The following FMNL1 variants were observed in gnomAD, a reference collection of about 807,000 sequenced individuals.
FMNL1 encodes the protein formin like 1.
Under a neutral mutation model 121.3 loss-of-function variants are expected in FMNL1, and 43 were observed. The ratio of observed to expected loss-of-function variants is 0.35; its 90% CI spans 0.28 to 0.46. The LOEUF is 0.46. Ranked by LOEUF, FMNL1 falls within the 20% of genes least tolerant of loss-of-function variation. The pLI, the probability that FMNL1 is intolerant of heterozygous loss-of-function variation, is 1.00. For missense variants in FMNL1, 1,191 were observed against 1,482.4 expected, an observed-to-expected ratio of 0.80 and a Z score of 3.23; for synonymous variants, 613 against 613.5, an observed-to-expected ratio of 1.00 and a Z score of 0.01.
rs1338240805 is a variant in FMNL1 at position 45,245,895 on chromosome 17, G to A, written c.3012G>A (p.Val1004=). The A allele has an allele frequency of 6.3e-7, 1 of 1,594,244 alleles. No homozygotes were observed. The highest frequency in any genetic ancestry group is 1.1e-5 in the South Asian group (1 of 89,214). ...IKAYKKAEQE[V]EQWKKEAAAQ... ...GCCCACAGAAAGCTGAGCAGGAGGT[G>A]GAACAGTGGAAAAAAGAAGCCGCTG... The change falls in exon 24 of 27, where the codon GTG becomes GTA. Residue 1004 remains valine (V), a synonymous_variant. Coordinates refer to ENST00000331495, the MANE Select transcript of FMNL1 (RefSeq NM_005892.4).
chr17:45,225,451 C>CG (rs34247001), intron 1 of FMNL1, among the ~76,000 whole-genome samples: 1 of 152,162 alleles, frequency 6.6e-6, no homozygotes, highest in Non-Finnish European at 1.5e-5. Flanking sequence ...AGAGGATCTC[C>CG]GGGGGGATGT....
chr17:45,242,530 C>T, intron 16 of FMNL1, 65 bp downstream of exon 16: 2 of 1,564,896 alleles, frequency 1.3e-6, no homozygotes, highest in South Asian at 1.2e-5. Flanking sequence ...CTGGATCAGG[C>T]TGGGCCCTGG....
intron 11 of FMNL1, among the ~76,000 whole-genome samples, chr17:45,239,804 C>CTTTTTTTTT (rs113701881): frequency 0.28 from 40,052 of 145,142 alleles, 6,828 homozygotes; most frequent in African/African-American, 0.48. Flanking sequence ...TCTATGATTG[C>CTTTTTTTTT]TTTTTTTTTG....
chr17:45,243,893 G>A lies in FMNL1; in HGVS notation c.2316G>A (p.Gln772=), dbSNP rs1401013013. The A allele has an allele frequency of 1.2e-6, 2 of 1,613,942 alleles. No homozygotes were observed. Among genetic ancestry groups the A allele is most frequent in the Admixed American group, 3.3e-5 (2 of 60,036 alleles). ...TCATCACCCGCTTTGAGCGGGAGCA[G>A]CGGCCAATGGAGGAGCTGTCAGAGG... is the stretch of plus-strand genomic sequence containing the variant. ...RSLITRFERE[Q]RPMEELSEED... is the part of the protein sequence containing the mutation. Residue 772 remains glutamine, a synonymous_variant, in exon 18 of 27, where the codon CAG becomes CAA. Transcript: ENST00000331495.
In FMNL1 at chr17:45,244,770, G is replaced by C. The variant is rs1240866994; in HGVS notation, c.2518-49G>C. 7.0e-6 allele frequency: 11 copies of C among 1,566,996 alleles called. No individual in the cohort carries two copies. In the African/African-American group the frequency reaches 1.5e-4, roughly 21 times the overall value. On this transcript the variant is annotated intron_variant, in intron 19 of 26. Coordinates refer to ENST00000331495, the MANE Select transcript of FMNL1 (RefSeq NM_005892.4). ...CCTCCTTGTGCAATATGCTTAAGCG[G>C]TGTCCTCAGCTCTGGCATTCTGCTG... is the stretch of plus-strand genomic sequence containing the variant.
In FMNL1 at chr17:45,241,890, G is replaced by A. The variant is rs768338888; in HGVS notation, c.1629G>A (p.Pro543=). Residue 543 remains proline, a synonymous_variant, in exon 15 of 27, where the codon CCG becomes CCA. Transcript: ENST00000331495. The surrounding 1 kb of genome is among the most constrained non-coding windows in gnomAD (Gnocchi z 7.0). The part of the protein sequence containing the change: ...AAEPAPGAAP[P]PPPPLPGLPS... ...AGCCGGCTCCCGGAGCAGCGCCACC[G>A]CCGCCGCCCCCACTGCCCGGCCTCC... is the stretch of plus-strand genomic sequence containing the variant. The A allele has an allele frequency of 6.9e-5, 99 of 1,424,682 alleles. 2 individuals carry two copies. In the South Asian group the frequency reaches 8.1e-4, roughly 12 times the overall value. The allele number at this position is 1,424,682 out of a possible 1,614,324, so 88.3% of individuals were successfully genotyped here.
At chr17:45,236,098 C>T in intron 6 of FMNL1, 38 bp from the exon 7 acceptor site, 1 of 1,547,794 alleles carries the variant, frequency 6.5e-7, no homozygotes, top group Non-Finnish European at 8.8e-7. Context: ...AGCTGGGGCT[C>T]ACTCTGACTC....
chr17:45,232,916 T>C, intron 3 of FMNL1: 2 of 560,262 alleles, frequency 3.6e-6, no homozygotes, highest in Non-Finnish European at 6.8e-6. Context: ...GGTATATGGA[T>C]GTTCATGTGC....
Position 45,230,675 on chromosome 17 carries a change from C to T in FMNL1, c.201C>T (p.Leu67=). 1.9e-6 allele frequency: 3 copies of T among 1,613,850 alleles called. No homozygotes were observed. The highest frequency in any genetic ancestry group is 2.5e-6 in the Non-Finnish European group (3 of 1,179,818). The change falls in exon 2 of 27, where the codon CTC becomes CTT. Residue 67 remains leucine (L), a synonymous_variant. Coordinates refer to ENST00000331495, the MANE Select transcript of FMNL1 (RefSeq NM_005892.4). ...ATGACAACGAGAAGAAGTGGGAGCT[C>T]ATCTGTGATCAGGTAGGTGCCAGCA... ...SQYDNEKKWE[L]ICDQERFQVK... is the part of the protein sequence containing the mutation.
intron 1 of FMNL1, among the ~76,000 whole-genome samples, chr17:45,227,288 G>A (rs150913006): frequency 0.021 from 3,132 of 152,168 alleles, 106 homozygotes; most frequent in African/African-American, 0.071. Context: ...AGATGTGGAC[G>A]CAGCCCCTTC....
Position 45,241,283 on chromosome 17 carries a change from C to T in FMNL1, c.1332+53C>T, listed in dbSNP as rs2043685465. 6.2e-7 allele frequency: 1 copy of T among 1,611,704 alleles called. No individual in the cohort carries two copies. On this transcript the variant is annotated intron_variant, in intron 13 of 26. Transcript: ENST00000331495. This position sits in a 1 kb window ranked among gnomAD's most constrained non-coding sequence, Gnocchi z 7.0. ...GCGCCCAAGAACAGGCCAGCTGAGG[C>T]TTCTAGGCTTGACATCTCCCTCCAC...
Position 45,243,295 on chromosome 17 carries a change from G to T in FMNL1, c.2188G>T (p.Glu730Ter). ...ITLRKGNLGA[E>*]RICQAIEAYD... ...CCTGCGGAAGGGCAACCTGGGGGCC[G>T]AGCGCATCTGCCAAGCCATTGAGGC... is the stretch of plus-strand genomic sequence containing the variant. The change falls in exon 17 of 27, where the codon GAG (glutamate) becomes TAG (stop). Residue 730 changes from glutamate to a stop codon, truncating the protein, a stop_gained. Coordinates refer to ENST00000331495, the MANE Select transcript of FMNL1 (RefSeq NM_005892.4). LOFTEE classifies it high-confidence loss of function. The T allele has an allele frequency of 6.2e-7, 1 of 1,613,498 alleles. No individual in the cohort carries two copies. Among genetic ancestry groups the T allele is most frequent in the South Asian group, 1.1e-5 (1 of 91,074 alleles).
In FMNL1 at chr17:45,246,295, G is replaced by A. The variant is rs1233516687; in HGVS notation, c.3176G>A (p.Ser1059Asn). 1.2e-6 allele frequency: 2 copies of A among 1,613,936 alleles called. No homozygotes were observed. The highest frequency in any genetic ancestry group is 1.7e-6 in the Non-Finnish European group (2 of 1,179,996). Reference protein sequence around the residue: ...RQQKEPLIYESDRDGAIEDII... With the variant: ...RQQKEPLIYENDRDGAIEDII... ...CAGAAGGAGCCACTCATTTATGAGA[G>A]CGACCGTGATGGGGCCATTGAAGAC... is the stretch of plus-strand genomic sequence containing the variant. The change falls in exon 25 of 27, where the codon AGC becomes AAC. Residue 1059 changes from serine to asparagine, a missense_variant. This residue lies in a region of FMNL1 where 367 missense variants were observed against 528.6 expected (regional missense o/e 0.69). Transcript: ENST00000331495.
At position 45,241,223 on chromosome 17, in the gene FMNL1, C is replaced by A. The variant is rs1250543294; in HGVS notation, c.1325C>A (p.Thr442Asn). 2 of 1,614,108 alleles carry A rather than the reference C, an allele frequency of 1.2e-6. No homozygotes were observed. The highest frequency in any genetic ancestry group is 1.1e-5 in the South Asian group (1 of 91,086). ...AGCCAGGCGCGCAAGGAGTTGGAGA[C>A]CCTGCGGGTGAGGCTGGGGCGGGTG... ...QLSQARKELE[T>N]LRERFSESTA... Residue 442 changes from threonine to asparagine, a missense_variant, in exon 13 of 27, where the codon ACC (threonine) becomes AAC (asparagine). By Grantham distance (65) the Thr-to-Asn change is moderately conservative. Coordinates refer to ENST00000331495, the MANE Select transcript of FMNL1 (RefSeq NM_005892.4). The surrounding 1 kb of genome is among the most constrained non-coding windows in gnomAD (Gnocchi z 7.0).
rs758219905 is a variant in FMNL1, at chr17:45,240,430, C to A, written c.1081-46C>A. On this transcript the variant is annotated intron_variant, in intron 11 of 26. Coordinates refer to ENST00000331495, the MANE Select transcript of FMNL1 (RefSeq NM_005892.4). ...GGGGTGGTTTGGAAAGACTCCCCCC[C>A]ACACACACACCAGGCCTCACCCCAC... The A allele has an allele frequency of 2.8e-5, 43 of 1,520,128 alleles. 1 individual carries two copies. In the South Asian group the frequency reaches 2.9e-4, roughly 10 times the overall value. The allele number at this position is 1,520,128 out of a possible 1,614,324, so 94.2% of individuals were successfully genotyped here. A position where few individuals can be genotyped will look rare whatever the true frequency, so the allele number is the denominator to read the frequency against.
At chr17:45,245,496 C>G in intron 22 of FMNL1, 80 bp downstream of exon 22, 2 of 1,606,482 alleles carry the variant, frequency 1.2e-6, no homozygotes, top group Non-Finnish European at 1.7e-6. Flanking sequence ...GTGGCCGTAG[C>G]TGGGACCCCT....
Position 45,242,465 on chromosome 17 carries a change from G to C in FMNL1, c.2010G>C (p.Gln670His). 8 of 1,613,442 alleles carry C rather than the reference G, an allele frequency of 5.0e-6. No homozygotes were observed. The highest frequency in any genetic ancestry group is 6.8e-6 in the Non-Finnish European group (8 of 1,179,438). The change falls in exon 16 of 27, where the codon CAG (glutamine) becomes CAC (histidine). Residue 670 changes from glutamine to histidine, a missense_variant and splice_region_variant. Gln to His is a conservative substitution (Grantham distance 24). This residue lies in a region of FMNL1 where 519 missense variants were observed against 492.8 expected (regional missense o/e 1.05). Coordinates refer to ENST00000331495, the MANE Select transcript of FMNL1 (RefSeq NM_005892.4). ...AGCTCAATGATGAGAAGGTGCTGCA[G>C]GTGAGTGGCCCTGCCTGGCTCCCCA... ...FTELNDEKVL[Q>H]ELDMSDFEEQ...
At position 45,244,848 on chromosome 17, in the gene FMNL1, C is replaced by T. The variant is rs1354967634; in HGVS notation, c.2547C>T (p.Asn849=). Residue 849 remains asparagine, a synonymous_variant, in exon 20 of 27, where the codon AAC becomes AAT. Coordinates refer to ENST00000331495, the MANE Select transcript of FMNL1 (RefSeq NM_005892.4). ...EIVLAFGNYM[N]SSKRGAAYGF... Reference sequence around the variant, plus strand: ...TCCTGGCCTTTGGCAACTACATGAACAGTAGCAAGCGTGGGGCAGCCTATG... The same window carrying T: ...TCCTGGCCTTTGGCAACTACATGAATAGTAGCAAGCGTGGGGCAGCCTATG... The T allele has an allele frequency of 6.2e-7, 1 of 1,613,816 alleles. No individual in the cohort carries two copies. The highest frequency in any genetic ancestry group is 1.3e-5 in the African/African-American group (1 of 75,048).
At chr17:45,230,816 A>C (rs58744688) in intron 2 of FMNL1, 129 bp downstream of exon 2, 237,019 of 931,324 alleles carry the variant, frequency 0.25, 38,033 homozygotes, top group African/African-American at 0.63. Flanking sequence ...TCAGTGGCCA[A>C]TGTAGCACCT....
Sources: allele counts gnomAD v4.1 joint callset (sites outside exome capture counted in the v4.1 genomes callset), GRCh38; gene constraint gnomAD v4.1.1; regional missense constraint gnomAD v4.1.1; non-coding constraint Gnocchi (gnomAD v3.1); transcripts MANE v1.5; gene names NCBI Gene and HGNC (gene_info 2026-07-23, HGNC 2026-07-21).